SOX5: variants seen among roughly 807,000 people sequenced by gnomAD.
SOX5 encodes the protein transcription factor SOX-5.
Under a neutral mutation model 92.0 loss-of-function variants are expected in SOX5, and 9 were observed. The ratio of observed to expected loss-of-function variants is 0.10; its 90% CI spans 0.06 to 0.17. SOX5 has a LOEUF of 0.17. Among genes scored for constraint, SOX5 ranks in the 10% least tolerant of loss-of-function variants. The probability of loss-of-function intolerance (pLI) is 1.00; values close to 1 mark genes in which losing one functional copy is unlikely to be tolerated. For missense variants in SOX5, 642 were observed against 944.5 expected, an observed-to-expected ratio of 0.68 and a Z score of 4.20; for synonymous variants, 344 against 336.3, an observed-to-expected ratio of 1.02 and a Z score of -0.25.
chr12:23,617,591 A>G (rs1404097123), intron 8 of SOX5, among the ~76,000 whole-genome samples: 1 of 152,170 alleles, frequency 6.6e-6, no homozygotes, highest in Non-Finnish European at 1.5e-5. Context: ...GGAGGGTGTG[A>G]AGACAGCATC....
intron 13 of SOX5, among the ~76,000 whole-genome samples, chr12:23,538,322 T>C (rs931218363): frequency 2.0e-5 from 3 of 152,238 alleles, no homozygotes; most frequent in Non-Finnish European, 4.4e-5. Flanking sequence ...GGTATAAATA[T>C]AGATTTTTCC....
At chr12:24,524,667 C>A (rs1205678953) in intron 1 of SOX5, among the ~76,000 whole-genome samples, 1 of 152,020 alleles carries the variant, frequency 6.6e-6, no homozygotes, top group Non-Finnish European at 1.5e-5. Context: ...AAACAAAGGA[C>A]AAGTATTGGT....
At chr12:23,904,971 G>T (rs965464569) in intron 1 of SOX5, among the ~76,000 whole-genome samples, 2 of 152,054 alleles carry the variant, frequency 1.3e-5, no homozygotes, top group African/African-American at 2.4e-5. Flanking sequence ...AAGGTACAAG[G>T]TTCTCCCAGG....
intron 1 of SOX5, among the ~76,000 whole-genome samples, chr12:24,406,103 G>GC (rs1962881981): frequency 6.6e-6 from 1 of 152,096 alleles, no homozygotes; most frequent in Non-Finnish European, 1.5e-5. Context: ...TCTGAGAAGT[G>GC]CCCGCAGCCT....
chr12:24,337,582 T>G lies in SOX5; in HGVS notation c.-174+30981A>C, dbSNP rs371269341. Among the ~76,000 whole-genome samples the G allele has an allele frequency of 3.3e-5, 5 of 152,188 alleles. No individual in the cohort carries two copies. In the East Asian group the frequency reaches 9.7e-4, roughly 29 times the overall value. ...CTTGAACTCCTGACTTAAGGTGATC[T>G]GCCCACCTCGGCCTCCCAAAGTGCT... On this transcript the variant is annotated intron_variant, in intron 2 of 4. Coordinates refer to the SOX5 transcript ENST00000446891.
chr12:23,713,024 G>C (rs1418496627), intron 6 of SOX5, among the ~76,000 whole-genome samples: 2 of 152,200 alleles, frequency 1.3e-5, no homozygotes, highest in Non-Finnish European at 2.9e-5. Flanking sequence ...TTTGAAAATA[G>C]AGTCTTTGTG....
chr12:24,388,723 C>G (rs1357194434), intron 1 of SOX5, among the ~76,000 whole-genome samples: 2 of 152,110 alleles, frequency 1.3e-5, no homozygotes, highest in Non-Finnish European at 1.5e-5. Flanking sequence ...ACTTTCGTCA[C>G]CCCAGAAAGA....
intron 1 of SOX5, chr12:23,920,061 C>T (rs548326040): frequency 6.6e-6 from 1 of 152,054 alleles, no homozygotes; most frequent in African/African-American, 2.4e-5. Context: ...TGCCAAACAT[C>T]GGCATTTATT....
At chr12:24,051,785 A>C (rs1488511794) in intron 4 of SOX5, among the ~76,000 whole-genome samples, 2 of 152,190 alleles carry the variant, frequency 1.3e-5, no homozygotes, top group Admixed American at 6.5e-5. Flanking sequence ...CCGTATTTCT[A>C]GCTTCATTCT....
intron 10 of SOX5, among the ~76,000 whole-genome samples, chr12:23,570,256 T>G (rs1269701615): frequency 6.6e-6 from 1 of 152,202 alleles, no homozygotes; most frequent in African/African-American, 2.4e-5. Flanking sequence ...CCCTGATAGG[T>G]AGACAATTTT....
intron 4 of SOX5, among the ~76,000 whole-genome samples, chr12:24,104,991 C>T (rs1946513773): frequency 6.6e-6 from 1 of 152,122 alleles, no homozygotes; most frequent in Admixed American, 6.6e-5. Flanking sequence ...CTCTAAGTCT[C>T]TATATAAAAA....
At chr12:23,715,825 A>AAAAACAAAC (rs2092454663) in intron 6 of SOX5, among the ~76,000 whole-genome samples, 4 of 151,378 alleles carry the variant, frequency 2.6e-5, no homozygotes, top group African/African-American at 9.7e-5. Flanking sequence ...AAAAAAAAAA[A>AAAAACAAAC]AAAAAAAACT....
At chr12:24,315,344 T>C (rs1949599186) in intron 2 of SOX5, among the ~76,000 whole-genome samples, 2 of 152,082 alleles carry the variant, frequency 1.3e-5, no homozygotes, top group African/African-American at 4.8e-5. Flanking sequence ...TTTTATACAA[T>C]TAACATATCT....
intron 4 of SOX5, among the ~76,000 whole-genome samples, chr12:24,113,167 T>C (rs1242540047): frequency 5.3e-5 from 8 of 149,732 alleles, no homozygotes; most frequent in Non-Finnish European, 1.2e-4. Context: ...AATAAAATTA[T>C]ATATTTATTT....
chr12:24,206,019 A>T (rs531680834), intron 4 of SOX5, among the ~76,000 whole-genome samples: 1 of 152,324 alleles, frequency 6.6e-6, no homozygotes, highest in South Asian at 2.1e-4. Flanking sequence ...CAAGAATACA[A>T]CATTGTTCAC....
intron 4 of SOX5, among the ~76,000 whole-genome samples, chr12:24,059,022 GCTATGC>G (rs1939148307): frequency 6.6e-6 from 1 of 151,946 alleles, no homozygotes; most frequent in South Asian, 2.1e-4. Context: ...CATTAATCTA[GCTATGC>G]TATTTCATTT....
At chr12:24,202,774 G>A (rs1002919675) in intron 4 of SOX5, among the ~76,000 whole-genome samples, 1 of 152,054 alleles carries the variant, frequency 6.6e-6, no homozygotes, top group Admixed American at 6.6e-5. Context: ...ATTACTTTTT[G>A]TGCCTTTCTC....
intron 4 of SOX5, among the ~76,000 whole-genome samples, chr12:24,083,258 GA>G (rs1437614927): frequency 6.6e-6 from 1 of 151,918 alleles, no homozygotes; most frequent in Non-Finnish European, 1.5e-5. Flanking sequence ...CTGAACACAT[GA>G]AAAAATTGTA....
intron 3 of SOX5, among the ~76,000 whole-genome samples, chr12:24,232,348 G>C (rs1267801332): frequency 6.6e-6 from 1 of 152,140 alleles, no homozygotes; most frequent in East Asian, 1.9e-4. Flanking sequence ...GAGTTCTATA[G>C]GTAGCAGCAA....
Sources: allele counts gnomAD v4.1 joint callset (sites outside exome capture counted in the v4.1 genomes callset), GRCh38; gene constraint gnomAD v4.1.1; transcripts MANE v1.5; gene names NCBI Gene and HGNC (gene_info 2026-07-23, HGNC 2026-07-21).